The following TENM1 variants were observed in gnomAD, a reference collection of about 807,000 sequenced individuals.
TENM1 encodes the protein teneurin-1.
In TENM1, 35 loss-of-function variants were observed where a neutral mutation model predicts 174.8. The ratio of observed to expected loss-of-function variants is 0.20; its 90% CI spans 0.15 to 0.27. The LOEUF (loss-of-function observed/expected upper bound fraction) is 0.27. Among genes scored for constraint, TENM1 ranks in the 10% least tolerant of loss-of-function variants. The probability of loss-of-function intolerance (pLI) is 1.00; values close to 1 mark genes in which losing one functional copy is unlikely to be tolerated. For missense variants in TENM1, 1,633 were observed against 2,130.1 expected (o/e 0.77, Z 4.59); for synonymous variants, 781 against 798.7 (o/e 0.98, Z 0.37).
the TENM1 span, among the ~76,000 whole-genome samples, chrX:125,054,947 A>G: frequency 1.8e-5 from 2 of 111,993 alleles, no homozygotes; most frequent in East Asian, 2.8e-4. Context: ...GATACAAAAT[A>G]TATCAGCATA....
chrX:125,164,756 C>A, the TENM1 span, among the ~76,000 whole-genome samples: 1 of 111,634 alleles, frequency 9.0e-6, no homozygotes, highest in African/African-American at 3.2e-5. Flanking sequence ...AAGTTCTTTT[C>A]CTCTGTGTCT....
rs1017797661 is a variant in TENM1, at chrX:124,871,777, T to A, written c.535+22519A>T. Among the ~76,000 whole-genome samples the A allele has an allele frequency of 8.1e-5, 9 of 110,713 alleles. 1 individual carries two copies. Among genetic ancestry groups the A allele is most frequent in the Admixed American group, 1.9e-4 (2 of 10,462 alleles). ...TTAAAAGGTTAGAGAGTCAGGCCTG[T>A]AATCCCAGCACTTTGGGAGGCTGAG... is the stretch of plus-strand genomic sequence containing the variant. On this transcript the variant is annotated intron_variant, in intron 3 of 31. Transcript: ENST00000422452.
intron 3 of TENM1, among the ~76,000 whole-genome samples, chrX:124,755,188 T>C (rs2054197479): frequency 9.5e-6 from 1 of 105,444 alleles, no homozygotes; most frequent in African/African-American, 3.8e-5. Context: ...TGGGTGCATA[T>C]ATATTTAGGA....
the TENM1 span, among the ~76,000 whole-genome samples, chrX:125,106,617 G>C: frequency 3.6e-5 from 4 of 110,786 alleles, no homozygotes; most frequent in Non-Finnish European, 7.6e-5. Context: ...CACCGTGTTA[G>C]CCAGGATGGT....
At chrX:125,126,998 C>A in the TENM1 span, among the ~76,000 whole-genome samples, 1 of 111,088 alleles carries the variant, frequency 9.0e-6, no homozygotes, top group African/African-American at 3.3e-5. Flanking sequence ...TCAACACTGC[C>A]GGAAGAAAGC....
intron 25 of TENM1, 40 bp downstream of exon 28, chrX:124,420,270 TA>T: frequency 8.7e-7 from 1 of 1,155,028 alleles, no homozygotes; most frequent in Non-Finnish European, 1.2e-6. Flanking sequence ...CAATTTCAAA[TA>T]AAAACCTAAC....
the TENM1 span, among the ~76,000 whole-genome samples, chrX:125,086,125 TATG>T: frequency 9.0e-6 from 1 of 110,878 alleles, no homozygotes; most frequent in Non-Finnish European, 1.9e-5. Flanking sequence ...CCCCTTTGCT[TATG>T]ATGTTTTATA....
chrX:124,605,264 C>T (rs1269606634), intron 11 of TENM1, among the ~76,000 whole-genome samples: 2 of 103,685 alleles, frequency 1.9e-5, no homozygotes, highest in Non-Finnish European at 3.9e-5. Flanking sequence ...AGTTTTACTA[C>T]TTTTGACTAG....
At chrX:125,005,851 T>C in the TENM1 span, among the ~76,000 whole-genome samples, 18 of 111,587 alleles carry the variant, frequency 1.6e-4, no homozygotes, top group African/African-American at 5.9e-4. Flanking sequence ...GTACTACACT[T>C]TTCCCACGGA....
At chrX:124,462,303 G>A (rs945804974) in intron 22 of TENM1, among the ~76,000 whole-genome samples, 125 of 110,158 alleles carry the variant, frequency 1.1e-3, no homozygotes, top group African/African-American at 4.0e-3. Flanking sequence ...ATGGAAGAAG[G>A]CTGGTTCCTT....
chrX:125,052,024 A>T, the TENM1 span, among the ~76,000 whole-genome samples: 16 of 111,666 alleles, frequency 1.4e-4, no homozygotes, highest in Non-Finnish European at 2.8e-4. Flanking sequence ...CCCATCAAAA[A>T]GTGGGCGAAG....
intron 1 of TENM1, among the ~76,000 whole-genome samples, chrX:124,939,691 C>T (rs954103852): frequency 2.7e-5 from 3 of 111,127 alleles, no homozygotes; most frequent in South Asian, 3.9e-4. Flanking sequence ...CCACTCACAG[C>T]GGCCCTCTTT....
chrX:125,130,905 C>T, the TENM1 span, among the ~76,000 whole-genome samples: 3 of 110,762 alleles, frequency 2.7e-5, no homozygotes, highest in African/African-American at 9.8e-5. Context: ...AATAAAAAAG[C>T]AGGTAAAATA....
the TENM1 span, among the ~76,000 whole-genome samples, chrX:125,074,070 T>G: frequency 9.0e-6 from 1 of 111,074 alleles, no homozygotes; most frequent in South Asian, 3.8e-4. Context: ...CTATACAACT[T>G]TGAGAAGACA....
chrX:124,957,223 T>C (rs761884035), intron 1 of TENM1, among the ~76,000 whole-genome samples: 1 of 107,435 alleles, frequency 9.3e-6, no homozygotes, highest in Non-Finnish European at 1.9e-5. Flanking sequence ...GGATGGATGG[T>C]TGGATGGATG....
At chrX:124,665,325 A>C (rs2051728018) in intron 6 of TENM1, among the ~76,000 whole-genome samples, 1 of 111,663 alleles carries the variant, frequency 9.0e-6, no homozygotes, top group South Asian at 3.8e-4. Flanking sequence ...GGGCAACAAG[A>C]GCAAAACTCC....
the TENM1 span, among the ~76,000 whole-genome samples, chrX:125,072,730 A>T: frequency 9.0e-6 from 1 of 111,523 alleles, no homozygotes; most frequent in Admixed American, 9.6e-5. Context: ...TAAAATAAAA[A>T]AAAGAAATTG....
intron 1 of TENM1, among the ~76,000 whole-genome samples, chrX:124,943,054 G>A (rs969705736): frequency 9.0e-6 from 1 of 111,458 alleles, no homozygotes; most frequent in Non-Finnish European, 1.9e-5. Flanking sequence ...AGAGGCAGAA[G>A]GGAGGGCTGT....
At chrX:125,179,117 C>T in the TENM1 span, among the ~76,000 whole-genome samples, 1 of 111,571 alleles carries the variant, frequency 9.0e-6, no homozygotes, top group Non-Finnish European at 1.9e-5. Context: ...TTCAGGTTTT[C>T]TCACTTAGAT....
Sources: gnomAD v4.1 joint callset for allele counts (sites outside exome capture counted in the v4.1 genomes callset) on GRCh38, gnomAD v4.1.1 for gene constraint, MANE v1.5 for transcripts, NCBI Gene and HGNC (gene_info 2026-07-23, HGNC 2026-07-21) for gene names.